Variants in SCN1A observed in about 807,000 individuals in gnomAD.
SCN1A encodes the protein sodium voltage-gated channel alpha subunit 1, also known as sodium channel protein type 1 subunit alpha.
In SCN1A, 13 loss-of-function variants were observed where a neutral mutation model predicts 193.7. That is an observed-to-expected ratio of 0.07 (90% CI 0.04 to 0.11). The LOEUF (loss-of-function observed/expected upper bound fraction) is 0.11. Ranked by LOEUF, SCN1A falls within the 10% of genes least tolerant of loss-of-function variation. The probability of loss-of-function intolerance (pLI) is 1.00; values close to 1 mark genes in which losing one functional copy is unlikely to be tolerated. For synonymous variants in SCN1A, 781 were observed against 843.6 expected, an observed-to-expected ratio of 0.93 and a Z score of 1.29; for missense variants, 1,432 against 2,451.1, an observed-to-expected ratio of 0.58 and a Z score of 8.78.
intron 2 of SCN1A, among the ~76,000 whole-genome samples, chr2:166,101,525 A>C (rs1308984691): frequency 7.1e-6 from 1 of 141,196 alleles, no homozygotes; most frequent in Non-Finnish European, 1.6e-5. Flanking sequence ...AAAAAAAAAA[A>C]CAGACACATA....
At chr2:166,003,845 ATTT>A (rs1240877166) in intron 23 of SCN1A, among the ~76,000 whole-genome samples, 2 of 145,774 alleles carry the variant, frequency 1.4e-5, no homozygotes, top group African/African-American at 5.1e-5. Context: ...ATGCCAGTGT[ATTT>A]TTAGAACAAT....
chr2:166,087,031 T>G (rs931345392), intron 2 of SCN1A, among the ~76,000 whole-genome samples: 13 of 151,998 alleles, frequency 8.6e-5, no homozygotes, highest in Admixed American at 8.5e-4. Context: ...ATGTTGAAAT[T>G]TGATTCCTAA....
In SCN1A at chr2:165,994,192, A is replaced by G; in HGVS notation, c.4806T>C (p.Ile1602=). 6.2e-7 allele frequency: 1 copy of G among 1,612,472 alleles called. No homozygotes were observed. Among genetic ancestry groups the G allele is most frequent in the Non-Finnish European group, 8.5e-7 (1 of 1,179,054 alleles). The part of the protein sequence containing the change: ...LISLRHYYFT[I]GWNIFDFVVV... ...CCACAAAATCAAAAATATTCCATCC[A>G]ATGGTAAAATAATAATGGCGTAGAG... The change falls in exon 28 of 29, where the codon ATT becomes ATC. Residue 1602 remains isoleucine, a synonymous_variant. Coordinates refer to ENST00000674923, the MANE Select transcript of SCN1A (RefSeq NM_001165963.4).
chr2:166,067,016 C>T (rs1173574436), intron 4 of SCN1A, among the ~76,000 whole-genome samples: 1 of 152,044 alleles, frequency 6.6e-6, no homozygotes, highest in Admixed American at 6.6e-5. Context: ...TGTTCTCTTT[C>T]CTTGGAAGAT....
At chr2:166,044,742 G>A (rs958392041) in intron 13 of SCN1A, among the ~76,000 whole-genome samples, 1 of 151,766 alleles carries the variant, frequency 6.6e-6, no homozygotes, top group African/African-American at 2.4e-5. Flanking sequence ...TCTTAAAAGT[G>A]CTGAGGATCA....
intron 4 of SCN1A, among the ~76,000 whole-genome samples, chr2:166,069,891 T>C (rs2162600): frequency 0.2 from 30,380 of 152,164 alleles, 3,192 homozygotes; most frequent in South Asian, 0.28. Context: ...ACATTTCCAC[T>C]GTTTGACCAT....
intron 2 of SCN1A, among the ~76,000 whole-genome samples, chr2:166,124,592 T>G (rs1456689226): frequency 1.3e-5 from 2 of 152,088 alleles, no homozygotes; most frequent in Non-Finnish European, 2.9e-5. Flanking sequence ...TGGATTTGGG[T>G]AATCATTCTA....
At chr2:166,024,884 G>C (rs141876848) in intron 19 of SCN1A, among the ~76,000 whole-genome samples, 291 of 152,246 alleles carry the variant, frequency 1.9e-3, no homozygotes, top group African/African-American at 6.7e-3. Context: ...GAACTCCGGA[G>C]CTCAAGCAAT....
At chr2:166,000,038 T>C (rs548207851) in intron 24 of SCN1A, 1 of 497,054 alleles carries the variant, frequency 2.0e-6, no homozygotes, top group South Asian at 2.3e-5. Flanking sequence ...TTAGAGTTCA[T>C]GGTGTCATGA....
chr2:166,052,719 C>T, intron 8 of SCN1A, 133 bp downstream of exon 8: 1 of 816,650 alleles, frequency 1.2e-6, no homozygotes, highest in Non-Finnish European at 2.1e-6. Flanking sequence ...AAGCTTATGT[C>T]TAAACAATAA....
chr2:166,023,324 C>T (rs996526201), intron 19 of SCN1A, among the ~76,000 whole-genome samples: 2 of 152,184 alleles, frequency 1.3e-5, no homozygotes, highest in Admixed American at 1.3e-4. Context: ...CTTATTTTTT[C>T]ACCCTTCTCC....
chr2:166,032,057 G>C (rs1324602058), intron 19 of SCN1A, among the ~76,000 whole-genome samples: 1 of 151,998 alleles, frequency 6.6e-6, no homozygotes, highest in African/African-American at 2.4e-5. Context: ...ATGATGCATT[G>C]TAGATAAGTC....
intron 17 of SCN1A, among the ~76,000 whole-genome samples, chr2:166,038,840 C>T (rs977769819): frequency 4.6e-5 from 7 of 152,132 alleles, no homozygotes; most frequent in Non-Finnish European, 1.5e-5. Context: ...CATTAATGCT[C>T]CTTAGGGGTA....
At chr2:166,038,428 C>T (rs1696736942) in intron 17 of SCN1A, among the ~76,000 whole-genome samples, 1 of 151,926 alleles carries the variant, frequency 6.6e-6, no homozygotes, top group African/African-American at 2.4e-5. Flanking sequence ...GCAACCTCTG[C>T]CTCCCAGGTT....
At chr2:166,018,776 C>T (rs902726881) in intron 19 of SCN1A, among the ~76,000 whole-genome samples, 4 of 152,110 alleles carry the variant, frequency 2.6e-5, no homozygotes, top group African/African-American at 4.8e-5. Flanking sequence ...TGGACATACA[C>T]GAACTCTACC....
At chr2:166,028,359 C>A (rs913521038) in intron 19 of SCN1A, among the ~76,000 whole-genome samples, 1 of 151,072 alleles carries the variant, frequency 6.6e-6, no homozygotes, top group Non-Finnish European at 1.5e-5. Context: ...TTCATTTTGC[C>A]AAATTGAGCA....
chr2:166,145,026 T>C (rs6414072), intron 1 of SCN1A, among the ~76,000 whole-genome samples: 122,850 of 151,824 alleles, frequency 0.81, 50,344 homozygotes, highest in African/African-American at 0.94. Flanking sequence ...TTAGTAGAGA[T>C]GGGGTTTCAC....
intron 1 of SCN1A, among the ~76,000 whole-genome samples, chr2:166,134,651 C>T (rs536997888): frequency 3.7e-4 from 57 of 152,244 alleles, no homozygotes; most frequent in African/African-American, 1.4e-3. Context: ...AAAGACAGCT[C>T]CAGAAAATAT....
chr2:166,051,183 T>G (rs1410816269), intron 9 of SCN1A, among the ~76,000 whole-genome samples: 2 of 151,996 alleles, frequency 1.3e-5, no homozygotes, highest in Non-Finnish European at 2.9e-5. Flanking sequence ...AAATAGAAAG[T>G]GGCATTTAGG....
Sources: allele counts gnomAD v4.1 joint callset (sites outside exome capture counted in the v4.1 genomes callset), GRCh38; gene constraint gnomAD v4.1.1; transcripts MANE v1.5; gene names NCBI Gene and HGNC (gene_info 2026-07-23, HGNC 2026-07-21).